The following MYO9A variants were observed in gnomAD, a reference collection of about 807,000 sequenced individuals.
MYO9A encodes unconventional myosin-IXa.
In MYO9A, 103 loss-of-function variants were observed where a neutral mutation model predicts 293.3. The observed-to-expected ratio is 0.35, with a 90% CI of 0.30 to 0.41. The LOEUF is 0.41. MYO9A is among the 10% of genes least tolerant of loss of function. MYO9A has a pLI of 1.00. For synonymous variants in MYO9A, 1,001 were observed against 1,035.7 expected (o/e 0.97, Z 0.64); for missense variants, 2,685 against 3,033.0 (o/e 0.89, Z 2.69).
intron 3 of MYO9A, among the ~76,000 whole-genome samples, chr15:72,028,218 A>AATATATATATATATATAT (rs33914430): frequency 2.5e-4 from 34 of 134,208 alleles, no homozygotes; most frequent in Admixed American, 1.1e-3. Context: ...TAAATAAATA[A>AATATATATATATATATAT]ATATATATAT....
chr15:71,935,310 A>T (rs2058608465), intron 17 of MYO9A, 31 bp downstream of exon 17: 2 of 1,523,616 alleles, frequency 1.3e-6, no homozygotes, highest in Non-Finnish European at 1.8e-6. Flanking sequence ...CAAAAAACAA[A>T]AAACAATTTA....
chr15:71,880,590 A>C (rs553371965), intron 28 of MYO9A, 32 bp from the exon 29 acceptor site: 2 of 1,543,984 alleles, frequency 1.3e-6, no homozygotes, highest in Admixed American at 3.7e-5. Context: ...CCAAAAGGAC[A>C]CATTTAGTAA....
chr15:71,873,338 A>T (rs1344703734), intron 32 of MYO9A, among the ~76,000 whole-genome samples: 1 of 152,152 alleles, frequency 6.6e-6, no homozygotes, highest in Non-Finnish European at 1.5e-5. Context: ...CAATCTATTT[A>T]GGTTGTTTTC....
chr15:72,100,174 G>A (rs35186252), intron 1 of MYO9A, among the ~76,000 whole-genome samples: 30,352 of 151,792 alleles, frequency 0.2, 3,279 homozygotes, highest in East Asian at 0.41. Flanking sequence ...CCTGACGTCC[G>A]GAGTTCAAGA....
chr15:72,108,289 CACA>C (rs1238631531), intron 1 of MYO9A, among the ~76,000 whole-genome samples: 1 of 152,194 alleles, frequency 6.6e-6, no homozygotes, highest in East Asian at 1.9e-4. Flanking sequence ...CCCATTAACA[CACA>C]ACATGATATA....
intron 15 of MYO9A, among the ~76,000 whole-genome samples, chr15:71,942,476 C>T (rs1461607866): frequency 6.6e-6 from 1 of 151,962 alleles, no homozygotes; most frequent in East Asian, 1.9e-4. Flanking sequence ...TTTTAACTTA[C>T]TGCTATAATT....
At chr15:71,960,229 T>C (rs2059294564) in intron 13 of MYO9A, 133 bp from the exon 14 acceptor site, 3 of 752,022 alleles carry the variant, frequency 4.0e-6, no homozygotes, top group Admixed American at 2.5e-5. Context: ...ATGGTGGAGA[T>C]GGGGCCTGGT....
intron 34 of MYO9A, among the ~76,000 whole-genome samples, chr15:71,855,597 G>T (rs1184664577): frequency 6.6e-6 from 1 of 152,094 alleles, no homozygotes; most frequent in Non-Finnish European, 1.5e-5. Context: ...TCCTTCTCCT[G>T]TACCATTGTC....
chr15:71,902,455 A>G (rs893551738), intron 22 of MYO9A, among the ~76,000 whole-genome samples: 5 of 152,118 alleles, frequency 3.3e-5, no homozygotes, highest in African/African-American at 9.7e-5. Flanking sequence ...GAGAAGAGAT[A>G]AGGAATAAAA....
intron 12 of MYO9A, among the ~76,000 whole-genome samples, chr15:71,968,976 T>C (rs1027430698): frequency 6.6e-6 from 1 of 152,214 alleles, no homozygotes; most frequent in African/African-American, 2.4e-5. Flanking sequence ...ACAAACATAG[T>C]TAATTACATA....
intron 15 of MYO9A, among the ~76,000 whole-genome samples, chr15:71,941,599 AAAAATT>A (rs2058776654): frequency 6.6e-6 from 1 of 152,242 alleles, no homozygotes; most frequent in South Asian, 2.1e-4. Context: ...TTGTAGCAGA[AAAAATT>A]TTTGAAAAAT....
At chr15:71,925,560 C>A (rs187477064) in intron 18 of MYO9A, among the ~76,000 whole-genome samples, 2 of 151,720 alleles carry the variant, frequency 1.3e-5, no homozygotes, top group Non-Finnish European at 2.9e-5. Context: ...TATCTGCTGT[C>A]GTTTTGTTCT....
At chr15:72,092,703 G>A (rs1003411867) in intron 1 of MYO9A, among the ~76,000 whole-genome samples, 17 of 152,128 alleles carry the variant, frequency 1.1e-4, no homozygotes, top group African/African-American at 3.6e-4. Context: ...ATAAACCAGT[G>A]AGCATGGATG....
chr15:72,045,866 T>A lies in MYO9A; in HGVS notation c.698A>T (p.Gln233Leu). ...ACTCTCTCCTGAAATCACGATGCAC[T>A]GATTCTTTTTGCGCTGAAGCATGGC... ...YHAMLQRKKN[Q>L]CIVISGESGS... Residue 233 changes from glutamine (Q) to leucine (L), a missense_variant, in exon 2 of 42, where the codon CAG (glutamine) becomes CTG (leucine). Physicochemically the swap from Gln to Leu is moderately radical, Grantham distance 113. Transcript: ENST00000356056. 6.2e-7 allele frequency: 1 copy of A among 1,614,176 alleles called. No individual in the cohort carries two copies. Among genetic ancestry groups the A allele is most frequent in the Non-Finnish European group, 8.5e-7 (1 of 1,180,030 alleles).
At chr15:71,891,273 G>C (rs2057169312) in intron 26 of MYO9A, 2 of 152,206 alleles carry the variant, frequency 1.3e-5, no homozygotes, top group South Asian at 4.1e-4. Context: ...TCAAGCAGGT[G>C]AACAGAGGCT....
chr15:72,113,659 C>A (rs1390025994), intron 1 of MYO9A, among the ~76,000 whole-genome samples: 1 of 152,174 alleles, frequency 6.6e-6, no homozygotes, highest in Non-Finnish European at 1.5e-5. Flanking sequence ...CTCACAACCC[C>A]ATTTTGCGGT....
Position 72,027,845 on chromosome 15 carries a change from C to A in MYO9A, c.936-52G>T, listed in dbSNP as rs762512348. 3.1e-6 allele frequency: 4 copies of A among 1,274,200 alleles called. No homozygotes were observed. The South Asian group carries it at 3.8e-5, about 12-fold the overall frequency. The allele number at this position is 1,274,200 out of a possible 1,614,324, so 78.9% of individuals were successfully genotyped here. On this transcript the variant is annotated intron_variant, in intron 3 of 41. Transcript: ENST00000356056. ...ATAAATAATAAAGTTTAATATAAGG[C>A]AGAAAAATATTTGGAGACAGTGTAA...
At chr15:71,973,288 A>G (rs555367362) in intron 12 of MYO9A, among the ~76,000 whole-genome samples, 5 of 152,326 alleles carry the variant, frequency 3.3e-5, no homozygotes, top group African/African-American at 1.2e-4. Context: ...ACTTCTGACC[A>G]ACCAGCTTCT....
chr15:71,825,976 A>ACAAT lies in MYO9A; in HGVS notation c.*600_*603dup, dbSNP rs1288311665. On this transcript the variant is annotated 3_prime_UTR_variant, in exon 42 of 42. Coordinates refer to ENST00000356056, the MANE Select transcript of MYO9A (RefSeq NM_006901.4). ...GACACGCTCTGATGGCTTAATGGAA[A>ACAAT]CAATCACGGTTTTTTTTTGTTTTTT... is the stretch of plus-strand genomic sequence containing the variant. The ACAAT allele has an allele frequency of 1.3e-5, 2 of 151,280 alleles. No individual in the cohort carries two copies. Among genetic ancestry groups the ACAAT allele is most frequent in the African/African-American group, 4.9e-5 (2 of 41,150 alleles). 9.4% of individuals were successfully genotyped at this position (151,280 alleles called of 1,614,324 possible). A position where few individuals can be genotyped will look rare whatever the true frequency, so the allele number is the denominator to read the frequency against.
Sources: allele counts gnomAD v4.1 joint callset (sites outside exome capture counted in the v4.1 genomes callset), GRCh38; gene constraint gnomAD v4.1.1; transcripts MANE v1.5; gene names NCBI Gene and HGNC (gene_info 2026-07-23, HGNC 2026-07-21).